Variants in AKAP6 observed in about 807,000 individuals in gnomAD.
AKAP6 encodes A-kinase anchoring protein 6.
A neutral mutation model predicts 188.5 loss-of-function variants in AKAP6; 58 were observed. The observed-to-expected ratio is 0.31, with a 90% CI of 0.25 to 0.38. AKAP6 has a LOEUF of 0.38. Ranked by LOEUF, AKAP6 falls within the 10% of genes least tolerant of loss-of-function variation. The pLI is 1.00. For synonymous variants in AKAP6, 989 were observed against 998.6 expected, an observed-to-expected ratio of 0.99 and a Z score of 0.18; for missense variants, 2,710 against 2,740.0, an observed-to-expected ratio of 0.99 and a Z score of 0.24.
intron 2 of AKAP6, among the ~76,000 whole-genome samples, chr14:32,451,907 C>T (rs960083524): frequency 1.3e-5 from 2 of 151,880 alleles, no homozygotes; most frequent in African/African-American, 4.8e-5. Flanking sequence ...ACCCTACTTC[C>T]TCCACCCCTT....
intron 1 of AKAP6, among the ~76,000 whole-genome samples, chr14:32,334,309 C>T (rs1886622602): frequency 6.6e-6 from 1 of 152,152 alleles, no homozygotes; most frequent in Non-Finnish European, 1.5e-5. Context: ...AAATCTCTCA[C>T]CATTACTGTT....
chr14:32,437,488 G>A (rs1398611096), intron 2 of AKAP6, among the ~76,000 whole-genome samples: 1 of 152,148 alleles, frequency 6.6e-6, no homozygotes, highest in Non-Finnish European at 1.5e-5. Flanking sequence ...GGTAGGCTCT[G>A]TCTCAGCTCT....
At chr14:32,492,294 G>T (rs1880057485) in intron 2 of AKAP6, among the ~76,000 whole-genome samples, 1 of 141,308 alleles carries the variant, frequency 7.1e-6, no homozygotes, top group African/African-American at 2.6e-5. Flanking sequence ...CTGTTCTCTT[G>T]ACACACTCTG....
intron 4 of AKAP6, among the ~76,000 whole-genome samples, chr14:32,549,951 G>A (rs548253419): frequency 1.1e-3 from 160 of 152,318 alleles, no homozygotes; most frequent in African/African-American, 2.9e-3. Context: ...CCAACCTGAG[G>A]AACTGCTGTG....
At chr14:32,724,665 C>T (rs1164100026) in intron 9 of AKAP6, among the ~76,000 whole-genome samples, 1 of 152,088 alleles carries the variant, frequency 6.6e-6, no homozygotes, top group Non-Finnish European at 1.5e-5. Context: ...CAAATGCCTT[C>T]CTACTAAGCC....
chr14:32,725,013 A>AC (rs1566668836), intron 9 of AKAP6, among the ~76,000 whole-genome samples: 2 of 150,244 alleles, frequency 1.3e-5, no homozygotes, highest in African/African-American at 4.9e-5. Context: ...AAAAAAAAAA[A>AC]AAAACAATTT....
intron 12 of AKAP6, among the ~76,000 whole-genome samples, chr14:32,796,032 A>G (rs1480244434): frequency 1.3e-5 from 2 of 152,190 alleles, no homozygotes; most frequent in African/African-American, 4.8e-5. Context: ...TCCAATCACA[A>G]TTGCTACAAA....
At chr14:32,606,243 G>T (rs1489999423) in intron 7 of AKAP6, among the ~76,000 whole-genome samples, 1 of 152,026 alleles carries the variant, frequency 6.6e-6, no homozygotes, top group Non-Finnish European at 1.5e-5. Context: ...TTCAGATTAG[G>T]CTTTCAGTAT....
At chr14:32,661,591 G>T (rs530385133) in intron 7 of AKAP6, among the ~76,000 whole-genome samples, 7 of 152,106 alleles carry the variant, frequency 4.6e-5, no homozygotes, top group Non-Finnish European at 7.4e-5. Flanking sequence ...TTACTCAGTA[G>T]ACTTGATGCC....
rs1167420076 is a variant in AKAP6, at chr14:32,546,564, T to A, written c.1911T>A (p.Leu637=). The A allele has an allele frequency of 6.2e-7, 1 of 1,614,168 alleles. No homozygotes were observed. The highest frequency in any genetic ancestry group is 1.1e-5 in the South Asian group (1 of 91,080). Residue 637 remains leucine, a synonymous_variant, in exon 4 of 14, where the codon CTT becomes CTA. Transcript: ENST00000280979. ...SDEYLALPSH[L]KQTEVLALKL... Reference sequence around the variant, plus strand: ...AATACCTAGCACTGCCCTCTCACCTTAAGCAGACAGAAGTATTGGCTTTGA... The same window carrying A: ...AATACCTAGCACTGCCCTCTCACCTAAAGCAGACAGAAGTATTGGCTTTGA...
At chr14:32,721,513 G>T (rs1386857876) in intron 9 of AKAP6, among the ~76,000 whole-genome samples, 1 of 152,188 alleles carries the variant, frequency 6.6e-6, no homozygotes, top group Non-Finnish European at 1.5e-5. Flanking sequence ...AGACTTGAAA[G>T]TTTCATTCTG....
At chr14:32,666,050 T>C (rs1888921430) in intron 7 of AKAP6, among the ~76,000 whole-genome samples, 1 of 152,124 alleles carries the variant, frequency 6.6e-6, no homozygotes, top group Admixed American at 6.6e-5. Flanking sequence ...TCCATTAGAA[T>C]TTTAAGTAAA....
intron 8 of AKAP6, among the ~76,000 whole-genome samples, chr14:32,688,839 G>A (rs1260791231): frequency 6.6e-6 from 1 of 152,154 alleles, no homozygotes; most frequent in Non-Finnish European, 1.5e-5. Flanking sequence ...CTGAATAAAG[G>A]ATAACTTTTC....
At position 32,343,260 on chromosome 14, in the gene AKAP6, C is replaced by T. The variant is rs576410731; in HGVS notation, c.-35+13852C>T. 2.5e-5 allele frequency among the ~76,000 whole-genome samples: 3 copies of T among 122,348 alleles called. No homozygotes were observed. In the South Asian group the frequency reaches 8.1e-4, roughly 33 times the overall value. The allele number at this position is 122,348 out of a possible 152,430, so 80.3% of individuals were successfully genotyped here. On this transcript the variant is annotated intron_variant, in intron 1 of 13. Transcript: ENST00000280979. ...CTTCCTTGTCAAGACTTAGAAACAA[C>T]GTGTGTAAAGCACCTAGCAGAGTGC...
At chr14:32,401,615 G>A (rs1157493724) in intron 1 of AKAP6, among the ~76,000 whole-genome samples, 1 of 152,104 alleles carries the variant, frequency 6.6e-6, no homozygotes, top group Non-Finnish European at 1.5e-5. Flanking sequence ...CTAGTTGAAT[G>A]CATGATGACA....
At chr14:32,485,309 A>G (rs1024966585) in intron 2 of AKAP6, among the ~76,000 whole-genome samples, 9 of 151,930 alleles carry the variant, frequency 5.9e-5, no homozygotes, top group Non-Finnish European at 8.8e-5. Flanking sequence ...ATGATTTATA[A>G]TCGTTTGAGT....
intron 4 of AKAP6, among the ~76,000 whole-genome samples, chr14:32,567,219 C>A (rs550590449): frequency 2.0e-5 from 3 of 152,298 alleles, no homozygotes; most frequent in African/African-American, 7.2e-5. Context: ...CCGTGCCCAG[C>A]CTACTTACCT....
At position 32,536,846 on chromosome 14, in the gene AKAP6, G is replaced by A. The variant is rs139969833; in HGVS notation, c.576+1041G>A. Among the ~76,000 whole-genome samples, 877 of 152,132 alleles carry A rather than the reference G, an allele frequency of 5.8e-3. 10 individuals are homozygous for A. Among genetic ancestry groups the A allele is most frequent in the African/African-American group, 0.02 (843 of 41,510 alleles). On this transcript the variant is annotated intron_variant, in intron 3 of 13. Transcript: ENST00000280979. ...CGGCTGTATGTATACATATATGTACGGATACCATATATGGATACGTTGCAT... is the reference window on the plus strand; with the variant it reads ...CGGCTGTATGTATACATATATGTACAGATACCATATATGGATACGTTGCAT...
intron 1 of AKAP6, among the ~76,000 whole-genome samples, chr14:32,428,860 GA>G (rs1350702983): frequency 6.6e-6 from 1 of 152,026 alleles, no homozygotes; most frequent in Non-Finnish European, 1.5e-5. Flanking sequence ...GAATAAGGTG[GA>G]AAAACCCTTT....
Sources: gnomAD v4.1 joint callset for allele counts (sites outside exome capture counted in the v4.1 genomes callset) on GRCh38, gnomAD v4.1.1 for gene constraint, MANE v1.5 for transcripts, NCBI Gene and HGNC (gene_info 2026-07-23, HGNC 2026-07-21) for gene names.